The following ARHGAP6 variants were observed in gnomAD, a reference collection of about 807,000 sequenced individuals.
ARHGAP6 encodes the protein rho GTPase-activating protein 6.
ARHGAP6 carries 16 observed loss-of-function variants against 55.7 expected under a neutral mutation model. The observed-to-expected ratio is 0.29, with a 90% confidence interval of 0.19 to 0.44. ARHGAP6 has a LOEUF of 0.44. ARHGAP6 is among the 20% of genes least tolerant of loss of function. The pLI is 1.00. For synonymous variants in ARHGAP6, 382 were observed against 360.9 expected (o/e 1.06, Z -0.66); for missense variants, 698 against 808.9 (o/e 0.86, Z 1.66).
chrX:11,339,183 A>T (rs941306374), intron 1 of ARHGAP6, among the ~76,000 whole-genome samples: 2 of 112,394 alleles, frequency 1.8e-5, no homozygotes, highest in African/African-American at 3.2e-5. Context: ...AGGAATGTGA[A>T]TTGCCTGAAG....
At chrX:11,202,136 G>T (rs191945664) in intron 2 of ARHGAP6, among the ~76,000 whole-genome samples, 1 of 109,375 alleles carries the variant, frequency 9.1e-6, no homozygotes, top group African/African-American at 3.3e-5. Context: ...TAGCAGAGAA[G>T]TTGACTGAGT....
chrX:11,273,571 T>C (rs1569281051), intron 1 of ARHGAP6, among the ~76,000 whole-genome samples: 1 of 111,678 alleles, frequency 9.0e-6, no homozygotes, highest in Non-Finnish European at 1.9e-5. Context: ...TTTTCACTCA[T>C]GGGCATTACT....
intron 1 of ARHGAP6, among the ~76,000 whole-genome samples, chrX:11,543,854 C>T: frequency 1.8e-5 from 2 of 112,375 alleles, no homozygotes; most frequent in Admixed American, 9.4e-5. Context: ...GTTTTACATT[C>T]TAGTGCTTAT....
chrX:11,147,168 G>A (rs1011433715), intron 10 of ARHGAP6, among the ~76,000 whole-genome samples: 10 of 111,618 alleles, frequency 9.0e-5, no homozygotes, highest in Non-Finnish European at 1.5e-4. Context: ...TACATATTCA[G>A]ACATAAACAC....
At chrX:11,468,356 T>C (rs1208628756) in intron 1 of ARHGAP6, among the ~76,000 whole-genome samples, 1 of 112,364 alleles carries the variant, frequency 8.9e-6, no homozygotes, top group Non-Finnish European at 1.9e-5. Flanking sequence ...GAAGAAATTA[T>C]GCTGAATGCA....
intron 1 of ARHGAP6, among the ~76,000 whole-genome samples, chrX:11,301,917 C>A (rs2048179447): frequency 8.9e-6 from 1 of 112,167 alleles, no homozygotes; most frequent in African/African-American, 3.2e-5. Flanking sequence ...CAACAGCTTT[C>A]CTCACCACTC....
intron 1 of ARHGAP6, among the ~76,000 whole-genome samples, chrX:11,279,479 G>A (rs1442042521): frequency 9.0e-6 from 1 of 111,561 alleles, no homozygotes; most frequent in African/African-American, 3.3e-5. Context: ...AGAAGGAACA[G>A]AGAGAGACAA....
rs1010740482 is a variant in ARHGAP6 at position 11,162,226 on chromosome X, G to A, written c.1810-5600C>T. Among the ~76,000 whole-genome samples, 3 of 109,760 alleles carry A rather than the reference G, an allele frequency of 2.7e-5. No homozygotes were observed. In the Admixed American group the frequency reaches 2.9e-4, roughly 11 times the overall value. On this transcript the variant is annotated intron_variant, in intron 9 of 12. Transcript: ENST00000337414. ...AAACATCATCTCTTCATTAATTGAT[G>A]CAATGATGGCTGGAAGAGATGCTGT... is the stretch of plus-strand genomic sequence containing the variant.
chrX:11,593,897 C>T (rs1383062716), intron 1 of ARHGAP6, among the ~76,000 whole-genome samples: 8 of 112,259 alleles, frequency 7.1e-5, no homozygotes, highest in Non-Finnish European at 1.9e-5. Context: ...AATAAAAATG[C>T]AGAGCCACTT....
intron 1 of ARHGAP6, among the ~76,000 whole-genome samples, chrX:11,480,766 A>C (rs1336035832): frequency 9.0e-6 from 1 of 111,510 alleles, no homozygotes; most frequent in Non-Finnish European, 1.9e-5. Context: ...AACTCAAGCC[A>C]AATTTCCCCT....
chrX:11,517,589 T>G (rs1255055237), intron 1 of ARHGAP6, among the ~76,000 whole-genome samples: 1 of 111,582 alleles, frequency 9.0e-6, no homozygotes, highest in Non-Finnish European at 1.9e-5. Flanking sequence ...TTTAATCCTA[T>G]GTGTTTGGTT....
chrX:11,421,177 T>C (rs946229552), intron 1 of ARHGAP6, among the ~76,000 whole-genome samples: 2 of 111,928 alleles, frequency 1.8e-5, no homozygotes, highest in East Asian at 5.6e-4. Flanking sequence ...CTCACCTCTA[T>C]CTCTGAAAAC....
intron 2 of ARHGAP6, among the ~76,000 whole-genome samples, chrX:11,201,842 C>T (rs189953785): frequency 1.0e-3 from 114 of 111,396 alleles, no homozygotes; most frequent in Non-Finnish European, 1.8e-3. Context: ...GGGTCCCTCC[C>T]ACCACACATG....
chrX:11,196,417 A>C (rs367859170), intron 3 of ARHGAP6, among the ~76,000 whole-genome samples: 2 of 111,081 alleles, frequency 1.8e-5, no homozygotes, highest in East Asian at 5.6e-4. Context: ...AGGCAATGTA[A>C]CAAAGTAAAA....
chrX:11,549,671 CT>C (rs2051246461), intron 1 of ARHGAP6, among the ~76,000 whole-genome samples: 1 of 112,199 alleles, frequency 8.9e-6, no homozygotes, highest in Admixed American at 9.4e-5. Flanking sequence ...GCTGATGCTG[CT>C]GGTCTACAGA....
chrX:11,265,033 C>T (rs2047605915), intron 1 of ARHGAP6, among the ~76,000 whole-genome samples: 1 of 112,338 alleles, frequency 8.9e-6, no homozygotes, highest in Non-Finnish European at 1.9e-5. Flanking sequence ...TATTTCATAA[C>T]ATTTCATGAT....
intron 1 of ARHGAP6, chrX:11,294,982 T>A (rs1219300926): frequency 5.8e-6 from 4 of 692,154 alleles, no homozygotes; most frequent in African/African-American, 2.2e-5. Context: ...GAAGAAACAC[T>A]TCAGGAGCTT....
chrX:11,366,481 TAGAG>T (rs1319910796), intron 1 of ARHGAP6, among the ~76,000 whole-genome samples: 1 of 111,557 alleles, frequency 9.0e-6, no homozygotes, highest in African/African-American at 3.3e-5. Context: ...TATGGGTAGA[TAGAG>T]AGATAGCAGA....
intron 1 of ARHGAP6, among the ~76,000 whole-genome samples, chrX:11,550,815 C>T (rs2051258669): frequency 8.9e-6 from 1 of 111,809 alleles, no homozygotes; most frequent in Non-Finnish European, 1.9e-5. Context: ...CATGAGAGGA[C>T]AGTATATTAT....
Sources: gnomAD v4.1 joint callset for allele counts (sites outside exome capture counted in the v4.1 genomes callset) on GRCh38, gnomAD v4.1.1 for gene constraint, MANE v1.5 for transcripts, NCBI Gene and HGNC (gene_info 2026-07-23, HGNC 2026-07-21) for gene names.